Variants in TLCD2 observed in about 807,000 individuals in gnomAD.
TLCD2 encodes the protein TLC domain containing 2.
In TLCD2, 12 loss-of-function variants were observed where a neutral mutation model predicts 14.0. The observed-to-expected ratio is 0.86, with a 90% CI of 0.55 to 1.39. TLCD2 has a LOEUF of 1.39. Ranked by LOEUF, TLCD2 falls within the 40% of genes most tolerant of loss-of-function variation. The pLI is 0.00. For missense variants in TLCD2, 360 were observed against 346.8 expected (o/e 1.04, Z -0.30); for synonymous variants, 166 against 156.5 (o/e 1.06, Z -0.45).
rs1914150024 is a variant in TLCD2 at position 1,709,528 on chromosome 17, T to A, written c.313A>T (p.Thr105Ser). ...DLLWNQTLGK[T>S]WDLLCHHLVV... ...AAATGATGACAGAGAAGATCCCAGG[T>A]CTTGCCCAAGGTCTGGTTCCACAGC... Residue 105 changes from threonine (T) to serine (S), a missense_variant, in exon 3 of 4, where the codon ACC (threonine) becomes TCC (serine). Thr to Ser is a moderately conservative substitution (Grantham distance 58, BLOSUM62 1). Transcript: ENST00000330676. The A allele has an allele frequency of 6.5e-7, 1 of 1,536,680 alleles. No individual in the cohort carries two copies.
rs2078779538 is a variant in TLCD2 at position 1,705,100 on chromosome 17, T to G, written c.*2670A>C. The G allele has an allele frequency of 6.6e-6, 1 of 152,240 alleles. No individual in the cohort carries two copies. Among genetic ancestry groups the G allele is most frequent in the African/African-American group, 2.4e-5 (1 of 41,446 alleles). The allele number at this position is 152,240 out of a possible 1,614,324, so 9.4% of individuals were successfully genotyped here. On this transcript the variant is annotated 3_prime_UTR_variant, in exon 4 of 4. Coordinates refer to ENST00000330676, the MANE Select transcript of TLCD2 (RefSeq NM_001164407.2). ...ATATTTGCATCTCAGTTGACACCCC[T>G]GATTCTGACTTGTCCTTATCTTCCT...
Position 1,710,268 on chromosome 17 carries a change from G to T in TLCD2, c.-26C>A, listed in dbSNP as rs764721495. On this transcript the variant is annotated 5_prime_UTR_variant, in exon 1 of 4. Coordinates refer to ENST00000330676, the MANE Select transcript of TLCD2 (RefSeq NM_001164407.2). This position sits in a 1 kb window ranked among gnomAD's most constrained non-coding sequence, Gnocchi z 6.1. Reference sequence around the variant, plus strand: ...GGCCTGGCGGTTGGGGGGTTGCGGGGAGTCCGGGTCGGTCCCCTCGGCGCC... The same window carrying T: ...GGCCTGGCGGTTGGGGGGTTGCGGGTAGTCCGGGTCGGTCCCCTCGGCGCC... 3 of 1,501,308 alleles carry T rather than the reference G, an allele frequency of 2.0e-6. No homozygotes were observed. The highest frequency in any genetic ancestry group is 2.9e-5 in the African/African-American group (2 of 69,588). 93.0% of individuals were successfully genotyped at this position (1,501,308 alleles called of 1,614,324 possible). A position where few individuals can be genotyped will look rare whatever the true frequency, so the allele number is the denominator to read the frequency against.
At chr17:1,708,763 A>G (rs1330293966) in intron 3 of TLCD2, among the ~76,000 whole-genome samples, 1 of 152,158 alleles carries the variant, frequency 6.6e-6, no homozygotes, top group Non-Finnish European at 1.5e-5. Flanking sequence ...GATTATAGGC[A>G]TAAGCCACCG....
chr17:1,710,273 C>A lies in TLCD2; in HGVS notation c.-31G>T. On this transcript the variant is annotated 5_prime_UTR_variant, in exon 1 of 4. Transcript: ENST00000330676. This position sits in a 1 kb window ranked among gnomAD's most constrained non-coding sequence, Gnocchi z 6.1. ...GGCGGTTGGGGGGTTGCGGGGAGTCCGGGTCGGTCCCCTCGGCGCCCGCGC... is the reference window on the plus strand; with the variant it reads ...GGCGGTTGGGGGGTTGCGGGGAGTCAGGGTCGGTCCCCTCGGCGCCCGCGC... The A allele has an allele frequency of 6.9e-7, 1 of 1,454,958 alleles. No homozygotes were observed. Among genetic ancestry groups the A allele is most frequent in the Non-Finnish European group, 9.0e-7 (1 of 1,112,128 alleles). 90.1% of individuals were successfully genotyped at this position (1,454,958 alleles called of 1,614,324 possible).
chr17:1,709,658 G>A (rs1346023463), intron 2 of TLCD2, 77 bp from the exon 3 acceptor site: 7 of 607,560 alleles, frequency 1.2e-5, no homozygotes, highest in South Asian at 8.5e-5. Flanking sequence ...CCCCCGCCCC[G>A]CCCCTCTCCC....
chr17:1,708,728 C>T (rs758601378), intron 3 of TLCD2, among the ~76,000 whole-genome samples: 10 of 152,114 alleles, frequency 6.6e-5, no homozygotes, highest in Non-Finnish European at 1.2e-4. Context: ...CGTGATCCAC[C>T]CGCCTCGGCC....
chr17:1,706,276 A>G lies in TLCD2; in HGVS notation c.*1494T>C, dbSNP rs571507531. On this transcript the variant is annotated 3_prime_UTR_variant, in exon 4 of 4. Transcript: ENST00000330676. ...GGCGTGAGCTGCTGCGCCCAGCCAG[A>G]GGGCCAGCTATTCCTTTATCCTCCT... The G allele has an allele frequency of 9.4e-4, 143 of 152,316 alleles. 1 individual carries two copies. Among genetic ancestry groups the G allele is most frequent in the Non-Finnish European group, 1.4e-3 (96 of 68,186 alleles). 9.4% of individuals were successfully genotyped at this position (152,316 alleles called of 1,614,324 possible). A position where few individuals can be genotyped will look rare whatever the true frequency, so the allele number is the denominator to read the frequency against.
Position 1,708,478 on chromosome 17 carries a change from GCTTT to G in TLCD2, c.343-260_343-257del, listed in dbSNP as rs1406945046. 4.4e-4 allele frequency among the ~76,000 whole-genome samples: 33 copies of G among 75,646 alleles called. 1 individual carries two copies. The South Asian group carries it at 4.9e-3, about 11-fold the overall frequency. 49.6% of individuals were successfully genotyped at this position (75,646 alleles called of 152,430 possible). On this transcript the variant is annotated intron_variant, in intron 3 of 3. Coordinates refer to ENST00000330676, the MANE Select transcript of TLCD2 (RefSeq NM_001164407.2). ...TAACCTCCCATTCCTGGGCTTGCTT[GCTTT>G]TTTTTTTTTTTTTTTTTTTTTTCGA... is the stretch of plus-strand genomic sequence containing the variant.
At position 1,708,191 on chromosome 17, in the gene TLCD2, G is replaced by A. The variant is rs1342681238; in HGVS notation, c.374C>T (p.Ser125Phe). The change falls in exon 4 of 4, where the codon TCT (serine) becomes TTT (phenylalanine). Residue 125 changes from serine to phenylalanine, a missense_variant. Physicochemically the swap from Ser to Phe is radical, Grantham distance 155 (BLOSUM62 -2). Transcript: ENST00000330676. ...CATGGAGAAGCCCACGTAGTGGCCA[G>A]ACAGAACAGCGGTGCTGAGGCAGCT... is the stretch of plus-strand genomic sequence containing the variant. ...VVSCLSTAVLSGHYVGFSMVS... is the reference protein window; with the variant it reads ...VVSCLSTAVLFGHYVGFSMVS... 2.2e-5 allele frequency: 34 copies of A among 1,535,302 alleles called. No individual in the cohort carries two copies. The highest frequency in any genetic ancestry group is 2.9e-5 in the Non-Finnish European group (33 of 1,146,286).
Position 1,710,020 on chromosome 17 carries a change from C to G in TLCD2, c.176+47G>C. The G allele has an allele frequency of 6.6e-7, 1 of 1,525,964 alleles. No homozygotes were observed. The highest frequency in any genetic ancestry group is 8.8e-7 in the Non-Finnish European group (1 of 1,142,550). The allele number at this position is 1,525,964 out of a possible 1,614,324, so 94.5% of individuals were successfully genotyped here. A position where few individuals can be genotyped will look rare whatever the true frequency, so the allele number is the denominator to read the frequency against. ...CGGCGGGTCTCCCGGCCTCAGCCTC[C>G]CACCCCTCGCCCTCGCCCCGTGCGC... On this transcript the variant is annotated intron_variant, in intron 1 of 3. Coordinates refer to ENST00000330676, the MANE Select transcript of TLCD2 (RefSeq NM_001164407.2). This position sits in a 1 kb window ranked among gnomAD's most constrained non-coding sequence, Gnocchi z 6.1.
Position 1,702,993 on chromosome 17 carries a change from G to C in TLCD2, c.*4777C>G, listed in dbSNP as rs906044065. 4 of 151,982 alleles carry C rather than the reference G, an allele frequency of 2.6e-5. No individual in the cohort carries two copies. Among genetic ancestry groups the C allele is most frequent in the Non-Finnish European group, 4.4e-5 (3 of 68,014 alleles). 9.4% of individuals were successfully genotyped at this position (151,982 alleles called of 1,614,324 possible). On this transcript the variant is annotated 3_prime_UTR_variant, in exon 4 of 4. Coordinates refer to ENST00000330676, the MANE Select transcript of TLCD2 (RefSeq NM_001164407.2). ...GACCATTTCCCTGGGCCACGGTAAA[G>C]TCTGGCGAAGCACCACTGTGCTAAG...
rs1391277964 is a variant in TLCD2, at chr17:1,708,103, A to G, written c.462T>C (p.Ser154=). 3.3e-6 allele frequency: 5 copies of G among 1,536,958 alleles called. No individual in the cohort carries two copies. The highest frequency in any genetic ancestry group is 4.4e-6 in the Non-Finnish European group (5 of 1,146,892). ...CLHLRKLLLL[S]RQAPSLAFSV... is the part of the protein sequence containing the mutation. ...TGAAGGCCAGGGATGGGGCCTGGCGAGAAAGCAACAGCAGCTTCCGCAGGT... is the reference window on the plus strand; with the variant it reads ...TGAAGGCCAGGGATGGGGCCTGGCGGGAAAGCAACAGCAGCTTCCGCAGGT... The change falls in exon 4 of 4, where the codon TCT becomes TCC. Residue 154 remains serine, a synonymous_variant. Transcript: ENST00000330676.
chr17:1,704,262 GA>G lies in TLCD2; in HGVS notation c.*3507del, dbSNP rs1351732729. The G allele has an allele frequency of 8.2e-6, 1 of 122,026 alleles. No homozygotes were observed. Among genetic ancestry groups the G allele is most frequent in the African/African-American group, 2.7e-5 (1 of 37,274 alleles). The allele number at this position is 122,026 out of a possible 1,614,324, so 7.6% of individuals were successfully genotyped here. ...AAAAAAGAAGAAAAGAAAGAAAAAA[GA>G]AAATTTTTTTTTTTTGTAGAGAGGA... is the stretch of plus-strand genomic sequence containing the variant. On this transcript the variant is annotated 3_prime_UTR_variant, in exon 4 of 4. Transcript: ENST00000330676.
Position 1,710,072 on chromosome 17 carries a change from CA to C in TLCD2, c.170del (p.Leu57ArgfsTer60). 1 of 1,532,934 alleles carries C rather than the reference CA, an allele frequency of 6.5e-7. No homozygotes were observed. The highest frequency in any genetic ancestry group is 8.7e-7 in the Non-Finnish European group (1 of 1,146,206). 95.0% of individuals were successfully genotyped at this position (1,532,934 alleles called of 1,614,324 possible). A position where few individuals can be genotyped will look rare whatever the true frequency, so the allele number is the denominator to read the frequency against. On this transcript the variant is annotated frameshift_variant, in exon 1 of 4. Coordinates refer to ENST00000330676, the MANE Select transcript of TLCD2 (RefSeq NM_001164407.2). LOFTEE classifies it high-confidence loss of function. The surrounding 1 kb of genome is among the most constrained non-coding windows in gnomAD (Gnocchi z 6.1). ...AHSLLSGTGA[L>X]LGLSLYPQMA... ...TCGAGCCCCCAAGCCCGCACCCGAG[CA>C]GCGCCCCGGTCCCCGAGAGCAGGCT...
chr17:1,708,704 C>G (rs1914122020), intron 3 of TLCD2, among the ~76,000 whole-genome samples: 1 of 152,014 alleles, frequency 6.6e-6, no homozygotes, highest in Non-Finnish European at 1.5e-5. Context: ...AGGATGGTCT[C>G]GATCTCCTGA....
In TLCD2 at chr17:1,708,130, C is replaced by T. The variant is rs1226792124; in HGVS notation, c.435G>A (p.Leu145=). 6.5e-7 allele frequency: 1 copy of T among 1,536,786 alleles called. No homozygotes were observed. Among genetic ancestry groups the T allele is most frequent in the South Asian group, 1.2e-5 (1 of 84,074 alleles). Residue 145 remains leucine, a synonymous_variant, in exon 4 of 4, where the codon TTG becomes TTA. Transcript: ENST00000330676. The part of the protein sequence containing the change: ...SLLLELNSAC[L]HLRKLLLLSR... ...AAAGCAACAGCAGCTTCCGCAGGTG[C>T]AAGCAGGCAGAGTTCAGTTCCAGGA... is the stretch of plus-strand genomic sequence containing the variant.
chr17:1,709,690 A>C (rs923140712), intron 2 of TLCD2, 109 bp from the exon 3 acceptor site: 16 of 882,886 alleles, frequency 1.8e-5, no homozygotes, highest in Non-Finnish European at 2.3e-5. Flanking sequence ...TTCCCTTGGT[A>C]AAGCCTTCAG....
chr17:1,708,216 TCACCA>T lies in TLCD2; in HGVS notation c.344_348del (p.Val115GlufsTer109), dbSNP rs1253400601. The T allele has an allele frequency of 3.3e-6, 5 of 1,521,864 alleles. No homozygotes were observed. In the East Asian group the frequency reaches 1.2e-4, roughly 37 times the overall value. The allele number at this position is 1,521,864 out of a possible 1,614,324, so 94.3% of individuals were successfully genotyped here. The stretch of plus-strand genomic sequence containing the variant: ...GACAGAACAGCGGTGCTGAGGCAGC[TCACCA>T]CCTGGGAGCCAGGGTCACAGGTCAG... On this transcript the variant is annotated frameshift_variant and splice_region_variant, in exon 4 of 4. Transcript: ENST00000330676. LOFTEE classifies it low-confidence loss of function (END_TRUNC).
In TLCD2 at chr17:1,707,176, A is replaced by C. The variant is rs1914060638; in HGVS notation, c.*594T>G. On this transcript the variant is annotated 3_prime_UTR_variant, in exon 4 of 4. Transcript: ENST00000330676. Reference sequence around the variant, plus strand: ...AGTAAGATTCCGTCTCATAAAAAAAAAGAAAAAGAAAAAGAAAAACAGGAG... The same window carrying C: ...AGTAAGATTCCGTCTCATAAAAAAACAGAAAAAGAAAAAGAAAAACAGGAG... The C allele has an allele frequency of 6.8e-6, 1 of 147,956 alleles. No homozygotes were observed. Among genetic ancestry groups the C allele is most frequent in the African/African-American group, 2.4e-5 (1 of 41,198 alleles). The allele number at this position is 147,956 out of a possible 1,614,324, so 9.2% of individuals were successfully genotyped here.
Sources: allele counts gnomAD v4.1 joint callset (sites outside exome capture counted in the v4.1 genomes callset), GRCh38; gene constraint gnomAD v4.1.1; non-coding constraint Gnocchi (gnomAD v3.1); transcripts MANE v1.5; gene names NCBI Gene and HGNC (gene_info 2026-07-23, HGNC 2026-07-21).